The following CRY1 variants were observed in gnomAD, a reference collection of about 807,000 sequenced individuals.
The protein encoded by CRY1 is cryptochrome circadian regulator 1.
A neutral mutation model predicts 76.0 loss-of-function variants in CRY1; 45 were observed. That is an observed-to-expected ratio of 0.59 (90% confidence interval 0.47 to 0.76). CRY1 has a LOEUF of 0.76. CRY1 is among the 30% of genes least tolerant of loss of function. The probability of loss-of-function intolerance (pLI) is 0.00; values close to 1 mark genes in which losing one functional copy is unlikely to be tolerated. For missense variants in CRY1, 587 were observed against 716.4 expected (o/e 0.82, Z 2.06); for synonymous variants, 248 against 244.0 (o/e 1.02, Z -0.15).
intron 7 of CRY1, 132 bp from the exon 8 acceptor site, chr12:106,998,198 G>T: frequency 1.0e-6 from 1 of 988,366 alleles, no homozygotes; most frequent in Non-Finnish European, 1.5e-6. Flanking sequence ...ACATTCCAAA[G>T]TTAGCTTCCC....
intron 1 of CRY1, among the ~76,000 whole-genome samples, chr12:107,051,952 A>ATTGTC (rs10650629): frequency 0.55 from 82,991 of 151,548 alleles, 23,048 homozygotes; most frequent in East Asian, 0.72. Flanking sequence ...TAAAAGGCAA[A>ATTGTC]TTAGAACTAT....
At chr12:107,082,920 A>C (rs551055626) in intron 1 of CRY1, among the ~76,000 whole-genome samples, 301 of 152,284 alleles carry the variant, frequency 2.0e-3, no homozygotes, top group African/African-American at 6.7e-3. Flanking sequence ...GGTTTTTTGA[A>C]AAGATTAACA....
At chr12:107,015,921 A>G (rs1952493345) in intron 2 of CRY1, among the ~76,000 whole-genome samples, 1 of 152,210 alleles carries the variant, frequency 6.6e-6, no homozygotes, top group East Asian at 1.9e-4. Context: ...CCTGGGCTCA[A>G]GCACTTGGCA....
At chr12:107,034,510 A>T (rs1001660342) in intron 1 of CRY1, among the ~76,000 whole-genome samples, 4 of 152,184 alleles carry the variant, frequency 2.6e-5, no homozygotes, top group African/African-American at 9.7e-5. Flanking sequence ...ACTTGCTCCA[A>T]ATTCTTTCTT....
chr12:107,092,790 G>C lies in CRY1; in HGVS notation c.158+14C>G. 6.2e-7 allele frequency: 1 copy of C among 1,611,198 alleles called. No individual in the cohort carries two copies. The highest frequency in any genetic ancestry group is 8.5e-7 in the Non-Finnish European group (1 of 1,179,648). On this transcript the variant is annotated intron_variant, in intron 1 of 12. Coordinates refer to ENST00000008527, the MANE Select transcript of CRY1 (RefSeq NM_004075.5). ...TAAACACCCAAATCCATTTCCCACG[G>C]GCTTGTGACTCACCGCCACCTGTTG...
intron 1 of CRY1, among the ~76,000 whole-genome samples, chr12:107,058,434 T>C (rs189773924): frequency 3.9e-5 from 6 of 151,962 alleles, no homozygotes; most frequent in South Asian, 2.1e-4. Flanking sequence ...GTTGAGAAAA[T>C]AGTTACAGGA....
intron 2 of CRY1, among the ~76,000 whole-genome samples, chr12:107,017,761 A>T (rs543227460): frequency 1.3e-5 from 2 of 152,350 alleles, no homozygotes; most frequent in Admixed American, 1.3e-4. Flanking sequence ...CTTTTGACGG[A>T]AAGAGCTGCA....
At chr12:107,059,333 C>T (rs994505910) in intron 1 of CRY1, among the ~76,000 whole-genome samples, 13 of 152,106 alleles carry the variant, frequency 8.5e-5, no homozygotes, top group Non-Finnish European at 1.2e-4. Context: ...CTCACTGCAG[C>T]CTCAACCTCC....
chr12:107,055,788 T>C (rs141794503), intron 1 of CRY1, among the ~76,000 whole-genome samples: 2 of 151,192 alleles, frequency 1.3e-5, no homozygotes, highest in Non-Finnish European at 2.9e-5. Flanking sequence ...GGCAGGAGAA[T>C]GGCTTGAGTG....
chr12:107,085,591 A>C (rs1271511047), intron 1 of CRY1, among the ~76,000 whole-genome samples: 1 of 152,122 alleles, frequency 6.6e-6, no homozygotes, highest in East Asian at 1.9e-4. Flanking sequence ...CATGTTCTCC[A>C]TAAGTAGGAG....
At chr12:107,086,319 G>A (rs751671200) in intron 1 of CRY1, among the ~76,000 whole-genome samples, 8 of 152,216 alleles carry the variant, frequency 5.3e-5, no homozygotes, top group Non-Finnish European at 8.8e-5. Flanking sequence ...GTAGAGGGAA[G>A]TTTTCAGGAG....
chr12:107,059,127 G>A (rs549987416), intron 1 of CRY1, among the ~76,000 whole-genome samples: 24 of 152,188 alleles, frequency 1.6e-4, no homozygotes, highest in African/African-American at 5.5e-4. Context: ...TAAAACAAAA[G>A]TTTCATAAAA....
chr12:107,001,339 C>A lies in CRY1; in HGVS notation c.625G>T (p.Val209Leu), dbSNP rs1207204981. 11 of 1,613,540 alleles carry A rather than the reference C, an allele frequency of 6.8e-6. No individual in the cohort carries two copies. Among genetic ancestry groups the A allele is most frequent in the African/African-American group, 1.3e-5 (1 of 74,886 alleles). The change falls in exon 5 of 13, where the codon GTG becomes TTG. Residue 209 changes from valine to leucine, a missense_variant. Val to Leu is a conservative substitution (Grantham distance 32). Coordinates refer to ENST00000008527, the MANE Select transcript of CRY1 (RefSeq NM_004075.5). ...GCTTCAGTTTCTCCACCTGGCCACA[C>A]TGCAGAGGATAAGCCATCTGTATCA... ...GFDTDGLSSA[V>L]WPGGETEALT... is the part of the protein sequence containing the mutation.
intron 1 of CRY1, among the ~76,000 whole-genome samples, chr12:107,039,908 T>C (rs1952778986): frequency 6.6e-6 from 1 of 152,062 alleles, no homozygotes; most frequent in Non-Finnish European, 1.5e-5. Flanking sequence ...ATGGAATGAA[T>C]CCAAAAGAAT....
At chr12:107,086,451 A>G (rs940493342) in intron 1 of CRY1, among the ~76,000 whole-genome samples, 4 of 152,224 alleles carry the variant, frequency 2.6e-5, no homozygotes, top group Admixed American at 1.3e-4. Context: ...AGCCCCCAAG[A>G]CATTCCAGAA....
In CRY1 at chr12:106,997,948, CCAAAACCAACAGGGCAATAG is replaced by C. The variant is rs1376075014; in HGVS notation, c.1236_1255del (p.Cys412TrpfsTer2). On this transcript the variant is annotated frameshift_variant, in exon 8 of 13. Transcript: ENST00000008527. LOFTEE classifies it high-confidence loss of function. The stretch of plus-strand genomic sequence containing the variant: ...GTCTCCATTGGGATCTGTTCTCCTA[CCAAAACCAACAGGGCAATAG>C]CAGTGAAAAAACTGTTGAAAAAAGG... 1.2e-6 allele frequency: 2 copies of C among 1,614,056 alleles called. No individual in the cohort carries two copies. The highest frequency in any genetic ancestry group is 1.7e-6 in the Non-Finnish European group (2 of 1,179,970).
chr12:107,026,157 A>ACATATGTTATATATGTTATATATGT (rs1160937379), intron 1 of CRY1, among the ~76,000 whole-genome samples: 116 of 75,642 alleles, frequency 1.5e-3, no homozygotes, highest in African/African-American at 6.5e-3. Context: ...TATATATATA[A>ACATATGTTATATATGTTATATATGT]AATATATATA....
chr12:107,083,394 G>T (rs1001870653), intron 1 of CRY1, among the ~76,000 whole-genome samples: 1 of 152,082 alleles, frequency 6.6e-6, no homozygotes, highest in South Asian at 2.1e-4. Context: ...AACAAAAAAA[G>T]AAAATTTCAG....
chr12:107,014,742 T>TC (rs1421803496), intron 2 of CRY1, among the ~76,000 whole-genome samples: 7 of 152,306 alleles, frequency 4.6e-5, no homozygotes, highest in Admixed American at 6.5e-5. Flanking sequence ...TATACAGTCC[T>TC]CCCTTGGTAT....
Sources: allele counts gnomAD v4.1 joint callset (sites outside exome capture counted in the v4.1 genomes callset), GRCh38; gene constraint gnomAD v4.1.1; transcripts MANE v1.5; gene names NCBI Gene and HGNC (gene_info 2026-07-23, HGNC 2026-07-21).